GMDS: variants seen among roughly 807,000 people sequenced by gnomAD.
GMDS encodes the protein GDP-mannose 4,6 dehydratase.
In GMDS, 20 loss-of-function variants were observed where a neutral mutation model predicts 49.9. That is an observed-to-expected ratio of 0.40 (90% CI 0.28 to 0.58). The LOEUF (loss-of-function observed/expected upper bound fraction) is 0.58. GMDS is among the 20% of genes least tolerant of loss of function. The pLI is 0.42. For missense variants in GMDS, 362 were observed against 481.4 expected (o/e 0.75, Z 2.32); for synonymous variants, 177 against 178.6 (o/e 0.99, Z 0.07).
chr6:2,234,977 TAGC>T (rs1781288974), intron 1 of GMDS, among the ~76,000 whole-genome samples: 1 of 151,952 alleles, frequency 6.6e-6, no homozygotes, highest in Non-Finnish European at 1.5e-5. Flanking sequence ...AATAGAAAAT[TAGC>T]CGGGCGTGGT....
In GMDS at chr6:1,627,228, C is replaced by T. The variant is rs114080177; in HGVS notation, c.988-2688G>A. On this transcript the variant is annotated intron_variant, in intron 9 of 10. Coordinates refer to ENST00000380815, the MANE Select transcript of GMDS (RefSeq NM_001500.4). ...CTGTTCCTGAAGGAATTTCTTACTT[C>T]TTCCCATTGTGTCATTTATAGAAAA... Among the ~76,000 whole-genome samples, 227 of 152,316 alleles carry T rather than the reference C, an allele frequency of 1.5e-3. 1 individual carries two copies. Among genetic ancestry groups the T allele is most frequent in the Non-Finnish European group, 2.9e-3 (199 of 68,032 alleles).
At chr6:1,655,514 CACACAT>C (rs1463409107) in intron 9 of GMDS, among the ~76,000 whole-genome samples, 6 of 97,108 alleles carry the variant, frequency 6.2e-5, no homozygotes, top group Non-Finnish European at 1.0e-4. Flanking sequence ...CACACACACA[CACACAT>C]ATTTTTTTTT....
At chr6:1,761,966 T>C (rs1331582549) in intron 7 of GMDS, among the ~76,000 whole-genome samples, 1 of 151,950 alleles carries the variant, frequency 6.6e-6, no homozygotes, top group African/African-American at 2.4e-5. Flanking sequence ...CAAGGAGGAA[T>C]ACAAAAACTC....
intron 6 of GMDS, among the ~76,000 whole-genome samples, chr6:1,951,463 T>C (rs1235669595): frequency 1.3e-5 from 2 of 152,192 alleles, no homozygotes; most frequent in Non-Finnish European, 2.9e-5. Context: ...ATCTAAACAG[T>C]GCTAGTACAC....
At chr6:2,200,303 G>A (rs1779453068) in intron 1 of GMDS, among the ~76,000 whole-genome samples, 1 of 152,136 alleles carries the variant, frequency 6.6e-6, no homozygotes, top group Non-Finnish European at 1.5e-5. Flanking sequence ...TGTTAGCAGA[G>A]AGGCGAAGGA....
At chr6:1,987,768 T>C (rs1409049758) in intron 4 of GMDS, among the ~76,000 whole-genome samples, 1 of 152,238 alleles carries the variant, frequency 6.6e-6, no homozygotes, top group African/African-American at 2.4e-5. Flanking sequence ...GAAGAAGCAG[T>C]TGTAGTCTAC....
At chr6:2,136,138 T>C (rs1775987717) in intron 1 of GMDS, among the ~76,000 whole-genome samples, 2 of 152,348 alleles carry the variant, frequency 1.3e-5, no homozygotes, top group African/African-American at 2.4e-5. Context: ...TGGTATCTTA[T>C]GGGACTACCA....
intron 4 of GMDS, among the ~76,000 whole-genome samples, chr6:2,030,525 C>G (rs954469030): frequency 6.6e-6 from 1 of 152,110 alleles, no homozygotes; most frequent in Non-Finnish European, 1.5e-5. Context: ...TTAAATTTCC[C>G]AAGGATTTGC....
chr6:2,094,530 G>C (rs1472299633), intron 4 of GMDS, among the ~76,000 whole-genome samples: 1 of 152,124 alleles, frequency 6.6e-6, no homozygotes, highest in Non-Finnish European at 1.5e-5. Context: ...ACCGTGTTCA[G>C]TACCACATTC....
At chr6:1,835,394 C>T (rs964473563) in intron 7 of GMDS, among the ~76,000 whole-genome samples, 2 of 152,206 alleles carry the variant, frequency 1.3e-5, no homozygotes, top group African/African-American at 2.4e-5. Context: ...CAACATCTCA[C>T]ATGCTGGGAG....
At chr6:2,122,252 C>T (rs561939313) in intron 2 of GMDS, among the ~76,000 whole-genome samples, 2 of 152,280 alleles carry the variant, frequency 1.3e-5, no homozygotes, top group African/African-American at 4.8e-5. Context: ...AGTACCCAGG[C>T]AAGCAATGTC....
chr6:1,957,011 C>A (rs1282612391), intron 6 of GMDS, among the ~76,000 whole-genome samples: 1 of 152,058 alleles, frequency 6.6e-6, no homozygotes, highest in African/African-American at 2.4e-5. Flanking sequence ...CCATGTTGGC[C>A]AGGCTGGTCT....
In GMDS at chr6:1,767,237, A is replaced by G. The variant is rs144645513; in HGVS notation, c.772-24651T>C. On this transcript the variant is annotated intron_variant, in intron 7 of 10. Coordinates refer to ENST00000380815, the MANE Select transcript of GMDS (RefSeq NM_001500.4). ...TTTCATTAAACGCATAAAAGAAAAT[A>G]TCCTTTGTAAAATGGCTAATTACAA... is the stretch of plus-strand genomic sequence containing the variant. 6.0e-3 allele frequency among the ~76,000 whole-genome samples: 902 copies of G among 149,294 alleles called. 8 individuals are homozygous for G. Among genetic ancestry groups the G allele is most frequent in the African/African-American group, 0.021 (848 of 40,084 alleles).
chr6:1,824,321 T>G lies in GMDS; in HGVS notation c.772-81735A>C, dbSNP rs189909895. 1.2e-4 allele frequency among the ~76,000 whole-genome samples: 18 copies of G among 152,298 alleles called. No individual in the cohort carries two copies. In the South Asian group the frequency reaches 3.7e-3, roughly 32 times the overall value. Reference sequence around the variant, plus strand: ...ACGTGACGGAAACTCCAAGGCTGTGTGCACAACCAGTGAATTCAGGTGTGC... The same window carrying G: ...ACGTGACGGAAACTCCAAGGCTGTGGGCACAACCAGTGAATTCAGGTGTGC... On this transcript the variant is annotated intron_variant, in intron 7 of 10. Transcript: ENST00000380815.
chr6:1,733,974 G>A (rs1369804639), intron 8 of GMDS, among the ~76,000 whole-genome samples: 1 of 152,226 alleles, frequency 6.6e-6, no homozygotes, highest in Non-Finnish European at 1.5e-5. Context: ...GGGCATCGGG[G>A]CGACCTGCTA....
intron 7 of GMDS, among the ~76,000 whole-genome samples, chr6:1,869,202 C>G (rs771773990): frequency 2.6e-5 from 4 of 152,170 alleles, no homozygotes; most frequent in Non-Finnish European, 4.4e-5. Flanking sequence ...TTCTCTGGCA[C>G]TAGGTACATA....
intron 7 of GMDS, among the ~76,000 whole-genome samples, chr6:1,758,249 C>G (rs920678887): frequency 6.6e-6 from 1 of 152,240 alleles, no homozygotes; most frequent in African/African-American, 2.4e-5. Context: ...GGCCCCTCCT[C>G]CCTTCTTGGT....
At chr6:2,014,187 C>T (rs1436415862) in intron 4 of GMDS, among the ~76,000 whole-genome samples, 3 of 141,158 alleles carry the variant, frequency 2.1e-5, no homozygotes, top group Non-Finnish European at 4.5e-5. Context: ...TGCCAGGAGA[C>T]CTGCCTGGCA....
chr6:1,633,982 T>C (rs1046639720), intron 9 of GMDS, among the ~76,000 whole-genome samples: 3 of 152,208 alleles, frequency 2.0e-5, no homozygotes, highest in African/African-American at 7.2e-5. Context: ...GTGCCAATTT[T>C]TGAAAGTATG....
Sources: gnomAD v4.1 joint callset for allele counts (sites outside exome capture counted in the v4.1 genomes callset) on GRCh38, gnomAD v4.1.1 for gene constraint, MANE v1.5 for transcripts, NCBI Gene and HGNC (gene_info 2026-07-23, HGNC 2026-07-21) for gene names.